ERICH1: variants seen among roughly 807,000 people sequenced by gnomAD.
ERICH1 encodes the protein glutamate-rich protein 1.
ERICH1 carries 56 observed loss-of-function variants against 39.6 expected under a neutral mutation model. The ratio of observed to expected loss-of-function variants is 1.41; its 90% CI spans 1.14 to 1.77. ERICH1 has a LOEUF of 1.77. ERICH1 is among the 40% of genes most tolerant of loss of function. The probability of loss-of-function intolerance (pLI) is 0.00; values close to 1 mark genes in which losing one functional copy is unlikely to be tolerated. For synonymous variants in ERICH1, 313 were observed against 223.6 expected (o/e 1.40, Z -3.57); for missense variants, 826 against 575.4 (o/e 1.44, Z -4.45).
At chr8:711,296 C>T (rs1478143760) in intron 2 of ERICH1, among the ~76,000 whole-genome samples, 1 of 152,138 alleles carries the variant, frequency 6.6e-6, no homozygotes, top group Non-Finnish European at 1.5e-5. Flanking sequence ...ATTCTCTTGA[C>T]AATGTCATTC....
chr8:656,913 A>G, intron 3 of ERICH1: 1 of 875,380 alleles, frequency 1.1e-6, no homozygotes. Context: ...AAGATAAACA[A>G]TACACTCCTT....
intron 3 of ERICH1, among the ~76,000 whole-genome samples, chr8:627,396 A>G (rs1797651616): frequency 6.6e-6 from 1 of 152,190 alleles, no homozygotes; most frequent in Non-Finnish European, 1.5e-5. Flanking sequence ...TCGACTTCAC[A>G]TGCCAACTTC....
chr8:618,223 C>T (rs989122172), intron 3 of ERICH1, among the ~76,000 whole-genome samples: 3 of 151,906 alleles, frequency 2.0e-5, no homozygotes, highest in African/African-American at 7.2e-5. Flanking sequence ...GTCCATCTCA[C>T]TGCCCTCTGA....
chr8:651,437 A>T (rs1193568593), intron 3 of ERICH1, among the ~76,000 whole-genome samples: 1 of 152,208 alleles, frequency 6.6e-6, no homozygotes, highest in Non-Finnish European at 1.5e-5. Flanking sequence ...GTTTCCGGTA[A>T]GCCTGGGGCT....
intron 2 of ERICH1, among the ~76,000 whole-genome samples, chr8:703,861 G>C (rs957766622): frequency 6.6e-6 from 1 of 152,206 alleles, no homozygotes; most frequent in Non-Finnish European, 1.5e-5. Flanking sequence ...AAAGCAAAGA[G>C]GAGGAAACGA....
At chr8:633,164 C>T (rs1019283774) in intron 3 of ERICH1, among the ~76,000 whole-genome samples, 41 of 151,526 alleles carry the variant, frequency 2.7e-4, no homozygotes, top group Admixed American at 1.2e-3. Flanking sequence ...GTGGAGCCCG[C>T]GTGGGGCCGC....
At chr8:634,659 C>T (rs1053394035) in intron 3 of ERICH1, among the ~76,000 whole-genome samples, 1 of 151,862 alleles carries the variant, frequency 6.6e-6, no homozygotes, top group Non-Finnish European at 1.5e-5. Context: ...CCGGACCAGC[C>T]CCCACGATGG....
intron 1 of ERICH1, among the ~76,000 whole-genome samples, chr8:730,258 A>C (rs1563388953): frequency 6.6e-6 from 1 of 152,244 alleles, no homozygotes; most frequent in Non-Finnish European, 1.5e-5. Flanking sequence ...GTCCCTGAAA[A>C]GGAAGACTTG....
chr8:625,393 C>A (rs1797546050), intron 3 of ERICH1, among the ~76,000 whole-genome samples: 1 of 152,296 alleles, frequency 6.6e-6, no homozygotes, highest in East Asian at 1.9e-4. Context: ...AGTGTCGTGC[C>A]TGTCTACAGG....
At chr8:706,110 A>G (rs960711553) in intron 2 of ERICH1, among the ~76,000 whole-genome samples, 7 of 152,362 alleles carry the variant, frequency 4.6e-5, no homozygotes, top group East Asian at 1.9e-4. Context: ...GCTGTGCCAC[A>G]CAGCCCAGGC....
At chr8:676,596 G>A (rs879774728) in intron 3 of ERICH1, among the ~76,000 whole-genome samples, 1 of 152,142 alleles carries the variant, frequency 6.6e-6, no homozygotes, top group Non-Finnish European at 1.5e-5. Flanking sequence ...AGTAACTGGC[G>A]CCATGCGGGG....
At chr8:651,870 T>A (rs1246117000) in intron 3 of ERICH1, among the ~76,000 whole-genome samples, 1 of 152,220 alleles carries the variant, frequency 6.6e-6, no homozygotes, top group Non-Finnish European at 1.5e-5. Context: ...TCCCCCTTGC[T>A]TAAGAGAAAG....
intron 1 of ERICH1, among the ~76,000 whole-genome samples, chr8:717,690 G>A (rs937440444): frequency 1.3e-5 from 2 of 152,210 alleles, no homozygotes; most frequent in Non-Finnish European, 2.9e-5. Flanking sequence ...GGACAGGGGC[G>A]CTCAGAGCTA....
intron 3 of ERICH1, among the ~76,000 whole-genome samples, chr8:617,772 A>G (rs1221194793): frequency 7.4e-6 from 1 of 134,596 alleles, no homozygotes; most frequent in African/African-American, 2.9e-5. Flanking sequence ...CCTCTGCGTG[A>G]TTGGTGCTCA....
chr8:707,280 T>C (rs1240157828), intron 2 of ERICH1, among the ~76,000 whole-genome samples: 1 of 149,982 alleles, frequency 6.7e-6, no homozygotes, highest in African/African-American at 2.4e-5. Context: ...CGATCTTGGC[T>C]CACTGCAACC....
intron 3 of ERICH1, among the ~76,000 whole-genome samples, chr8:683,732 G>A (rs1806679750): frequency 6.6e-6 from 1 of 152,224 alleles, no homozygotes; most frequent in Admixed American, 6.5e-5. Flanking sequence ...CTAAAGTTTT[G>A]TGATTTTGAA....
At position 693,657 on chromosome 8, in the gene ERICH1, G is replaced by A. The variant is rs547910655; in HGVS notation, c.170-1045C>T. Among the ~76,000 whole-genome samples the A allele has an allele frequency of 1.1e-4, 16 of 151,330 alleles. No homozygotes were observed. The South Asian group carries it at 1.5e-3, about 14-fold the overall frequency. On this transcript the variant is annotated intron_variant, in intron 2 of 5. Coordinates refer to ENST00000262109, the MANE Select transcript of ERICH1 (RefSeq NM_207332.3). ...ACCAGAGGTCACCACCACCGTGGAC[G>A]GTGGCTGGAACCTCCCTGCTGTGTG...
chr8:707,334 G>A (rs1585538036), intron 2 of ERICH1, among the ~76,000 whole-genome samples: 1 of 151,238 alleles, frequency 6.6e-6, no homozygotes, highest in East Asian at 1.9e-4. Context: ...CAGCCTCCCA[G>A]GTAGCTGGGA....
chr8:670,567 G>A lies in ERICH1; in HGVS notation c.1064-1775C>T, dbSNP rs777390397. ...GGACAGTGTCATCTGCTTCTGGGCT[G>A]CCCTGCTCTGCTGGGCTCGAGGGTC... On this transcript the variant is annotated intron_variant, in intron 4 of 5. Transcript: ENST00000262109. Among the ~76,000 whole-genome samples the A allele has an allele frequency of 8.1e-4, 123 of 152,330 alleles. 2 individuals are homozygous for A. Among genetic ancestry groups the A allele is most frequent in the Admixed American group, 2.9e-3 (45 of 15,304 alleles).
Sources: allele counts gnomAD v4.1 joint callset (sites outside exome capture counted in the v4.1 genomes callset), GRCh38; gene constraint gnomAD v4.1.1; transcripts MANE v1.5; gene names NCBI Gene and HGNC (gene_info 2026-07-23, HGNC 2026-07-21).